The following PLCXD3 variants were observed in gnomAD, a reference collection of about 807,000 sequenced individuals.
PLCXD3 encodes phosphatidylinositol specific phospholipase C X domain containing 3, also known as PI-PLC X domain-containing protein 3.
In PLCXD3, 19 loss-of-function variants were observed where a neutral mutation model predicts 25.5. The observed-to-expected ratio is 0.75, with a 90% CI of 0.52 to 1.09. The LOEUF (loss-of-function observed/expected upper bound fraction) is 1.09. PLCXD3 is among the 50% of genes least tolerant of loss of function. The pLI is 0.00. For missense variants in PLCXD3, 411 were observed against 388.1 expected, an observed-to-expected ratio of 1.06 and a Z score of -0.50; for synonymous variants, 174 against 137.6, an observed-to-expected ratio of 1.26 and a Z score of -1.85.
chr5:41,331,326 T>G (rs1242365303), intron 2 of PLCXD3, among the ~76,000 whole-genome samples: 1 of 152,066 alleles, frequency 6.6e-6, no homozygotes, highest in African/African-American at 2.4e-5. Context: ...AAATCATGAG[T>G]GAACTCCCAT....
intron 2 of PLCXD3, among the ~76,000 whole-genome samples, chr5:41,352,198 T>A (rs11747859): frequency 0.15 from 23,151 of 152,142 alleles, 2,800 homozygotes; most frequent in East Asian, 0.36. Context: ...TTAAACTTCT[T>A]GTCACTTCAT....
intron 1 of PLCXD3, among the ~76,000 whole-genome samples, chr5:41,384,540 T>C (rs1745577412): frequency 6.6e-6 from 1 of 152,088 alleles, no homozygotes; most frequent in African/African-American, 2.4e-5. Flanking sequence ...TGGTTACTTC[T>C]GTAATCTAGT....
At chr5:41,482,519 T>C (rs988336153) in intron 1 of PLCXD3, among the ~76,000 whole-genome samples, 1 of 152,174 alleles carries the variant, frequency 6.6e-6, no homozygotes, top group African/African-American at 2.4e-5. Flanking sequence ...TAGTCTGATA[T>C]CACACTAAAG....
chr5:41,322,971 T>TAA (rs57326151), intron 2 of PLCXD3, among the ~76,000 whole-genome samples: 1 of 139,478 alleles, frequency 7.2e-6, no homozygotes. Flanking sequence ...AGACTCTGTC[T>TAA]AAAAAAAAAA....
intron 1 of PLCXD3, among the ~76,000 whole-genome samples, chr5:41,504,372 C>T (rs1425037812): frequency 6.6e-6 from 1 of 152,166 alleles, no homozygotes; most frequent in Non-Finnish European, 1.5e-5. Flanking sequence ...ACATATTTTC[C>T]TCTGCCCAGC....
At chr5:41,483,594 A>G (rs945679858) in intron 1 of PLCXD3, among the ~76,000 whole-genome samples, 5 of 152,200 alleles carry the variant, frequency 3.3e-5, no homozygotes, top group African/African-American at 1.2e-4. Context: ...ACAGAATTTC[A>G]GTTTTGCAAG....
intron 2 of PLCXD3, among the ~76,000 whole-genome samples, chr5:41,334,878 G>A (rs1446547474): frequency 1.3e-5 from 2 of 152,138 alleles, no homozygotes; most frequent in Non-Finnish European, 2.9e-5. Context: ...AGCACAGCCA[G>A]CCCTTGATGG....
chr5:41,373,201 G>T (rs1745179411), intron 2 of PLCXD3, among the ~76,000 whole-genome samples: 1 of 152,044 alleles, frequency 6.6e-6, no homozygotes, highest in African/African-American at 2.4e-5. Context: ...CCACTTTTTT[G>T]TGGTTTCAAC....
intron 2 of PLCXD3, among the ~76,000 whole-genome samples, chr5:41,350,981 A>G (rs930224450): frequency 1.3e-5 from 2 of 152,198 alleles, no homozygotes; most frequent in Non-Finnish European, 2.9e-5. Context: ...AGTTGACAGA[A>G]GTCACCAAAC....
intron 1 of PLCXD3, among the ~76,000 whole-genome samples, chr5:41,431,396 T>A (rs1309060782): frequency 6.6e-6 from 1 of 152,236 alleles, no homozygotes; most frequent in Non-Finnish European, 1.5e-5. Flanking sequence ...TATTTTGACT[T>A]ACACATTCTT....
rs1328832841 is a variant in PLCXD3 at position 41,509,548 on chromosome 5, C to T, written c.103+876G>A. On this transcript the variant is annotated intron_variant, in intron 1 of 2. Coordinates refer to ENST00000377801, the MANE Select transcript of PLCXD3 (RefSeq NM_001005473.3). ...TGAAGCTTCTTGATCCCTCAGGTCT[C>T]TTCCTCGCTTTGTCCACGCTTCTTT... Among the ~76,000 whole-genome samples, 3 of 152,220 alleles carry T rather than the reference C, an allele frequency of 2.0e-5. No individual in the cohort carries two copies. The East Asian group carries it at 5.8e-4, about 29-fold the overall frequency.
intron 2 of PLCXD3, among the ~76,000 whole-genome samples, chr5:41,380,264 T>C (rs1745417097): frequency 2.0e-5 from 3 of 152,254 alleles, no homozygotes; most frequent in Admixed American, 1.3e-4. Context: ...TATCCTGAAC[T>C]CTTTTCTCCC....
intron 2 of PLCXD3, among the ~76,000 whole-genome samples, chr5:41,371,066 C>T (rs1008825091): frequency 1.3e-5 from 2 of 152,056 alleles, no homozygotes; most frequent in Non-Finnish European, 2.9e-5. Flanking sequence ...GAAGAGTTTG[C>T]ATTTTCAGTA....
chr5:41,452,982 C>A (rs949790787), intron 1 of PLCXD3, among the ~76,000 whole-genome samples: 6 of 151,864 alleles, frequency 4.0e-5, no homozygotes, highest in Admixed American at 2.6e-4. Flanking sequence ...TTAACATATT[C>A]ATATTTCACA....
At chr5:41,388,267 G>C (rs1745702716) in intron 1 of PLCXD3, among the ~76,000 whole-genome samples, 1 of 152,054 alleles carries the variant, frequency 6.6e-6, no homozygotes, top group African/African-American at 2.4e-5. Context: ...AGCATCAGCT[G>C]TGTTCAAGGC....
intron 1 of PLCXD3, among the ~76,000 whole-genome samples, chr5:41,452,576 T>C (rs1376877608): frequency 1.3e-5 from 2 of 151,992 alleles, no homozygotes; most frequent in African/African-American, 4.8e-5. Context: ...CTGTCAAATA[T>C]GACCTCCAAA....
chr5:41,344,149 G>A (rs550124067), intron 2 of PLCXD3, among the ~76,000 whole-genome samples: 3 of 152,202 alleles, frequency 2.0e-5, no homozygotes, highest in African/African-American at 7.2e-5. Context: ...ATAATACATT[G>A]GTCATAAAGA....
chr5:41,456,842 G>T (rs1489464376), intron 1 of PLCXD3, among the ~76,000 whole-genome samples: 1 of 151,840 alleles, frequency 6.6e-6, no homozygotes, highest in Non-Finnish European at 1.5e-5. Flanking sequence ...CTTGATCTAA[G>T]ATTTCTCAGC....
At chr5:41,418,955 C>G (rs1437385834) in intron 1 of PLCXD3, among the ~76,000 whole-genome samples, 1 of 152,200 alleles carries the variant, frequency 6.6e-6, no homozygotes, top group East Asian at 1.9e-4. Flanking sequence ...GAGGCCAAGG[C>G]TGAGCAGCAG....
Sources: allele counts gnomAD v4.1 joint callset (sites outside exome capture counted in the v4.1 genomes callset), GRCh38; gene constraint gnomAD v4.1.1; transcripts MANE v1.5; gene names NCBI Gene and HGNC (gene_info 2026-07-23, HGNC 2026-07-21).